CCL11: variants seen among roughly 807,000 people sequenced by gnomAD.
CCL11 encodes eotaxin.
CCL11 carries 7 observed loss-of-function variants against 7.3 expected under a neutral mutation model. The ratio of observed to expected loss-of-function variants is 0.96; its 90% CI spans 0.55 to 1.81. CCL11 has a LOEUF of 1.81. Ranked by LOEUF, CCL11 falls within the 40% of genes most tolerant of loss-of-function variation. CCL11 has a pLI of 0.00. For synonymous variants in CCL11, 66 were observed against 45.2 expected, an observed-to-expected ratio of 1.46 and a Z score of -1.84; for missense variants, 132 against 114.2, an observed-to-expected ratio of 1.16 and a Z score of -0.71.
chr17:34,287,044 T>C, intron 1 of CCL11, 52 bp from the exon 2 acceptor site: 1 of 1,203,994 alleles, frequency 8.3e-7, no homozygotes, highest in Non-Finnish European at 1.2e-6. Context: ...TGTCTATGTA[T>C]CATCATGTGG....
Position 34,288,044 on chromosome 17 carries a change from AT to A in CCL11, c.*356del, listed in dbSNP as rs1908701225. 1 of 154,650 alleles carries A rather than the reference AT, an allele frequency of 6.5e-6. No homozygotes were observed. Among genetic ancestry groups the A allele is most frequent in the African/African-American group, 2.4e-5 (1 of 41,542 alleles). The allele number at this position is 154,650 out of a possible 1,614,324, so 9.6% of individuals were successfully genotyped here. ...CAAAGATGATCAGTATGAAAATGTC[AT>A]TGTTCTTGTGAACCCAAAGTGTGAC... On this transcript the variant is annotated 3_prime_UTR_variant, in exon 3 of 3. Transcript: ENST00000305869.
rs1352933235 is a variant in CCL11 at position 34,287,168 on chromosome 17, G to GGA, written c.152_153dup (p.Ile52GlufsTer12). ...CCCCTTCAGCGACTAGAGAGCTACA[G>GGA]GAGAATCACCAGTGGCAAATGTCCC... is the stretch of plus-strand genomic sequence containing the variant. On this transcript the variant is annotated frameshift_variant, in exon 2 of 3. Coordinates refer to ENST00000305869, the MANE Select transcript of CCL11 (RefSeq NM_002986.3). LOFTEE classifies it low-confidence loss of function (END_TRUNC). 4 of 1,613,840 alleles carry GGA rather than the reference G, an allele frequency of 2.5e-6. No homozygotes were observed. In the South Asian group the frequency reaches 4.4e-5, roughly 18 times the overall value.
At position 34,288,307 on chromosome 17, in the gene CCL11, C is replaced by T. The variant is rs1408287128; in HGVS notation, c.*617C>T. 1 of 152,130 alleles carries T rather than the reference C, an allele frequency of 6.6e-6. No individual in the cohort carries two copies. The highest frequency in any genetic ancestry group is 6.6e-5 in the Admixed American group (1 of 15,256). The allele number at this position is 152,130 out of a possible 1,614,324, so 9.4% of individuals were successfully genotyped here. On this transcript the variant is annotated 3_prime_UTR_variant, in exon 3 of 3. Coordinates refer to ENST00000305869, the MANE Select transcript of CCL11 (RefSeq NM_002986.3). ...TGAAACTGACAAACCCATTCCAGCC[C>T]TCTATTCCCATTTTCAACAGTATTT...
chr17:34,288,178 G>C lies in CCL11; in HGVS notation c.*488G>C, dbSNP rs1032092706. ...GTGGGAAATCCACACTGAGCTGAGG[G>C]GGACAAAGATGGCTGTGGCCAAGAG... On this transcript the variant is annotated 3_prime_UTR_variant, in exon 3 of 3. Transcript: ENST00000305869. The C allele has an allele frequency of 6.6e-6, 1 of 152,480 alleles. No homozygotes were observed. Among genetic ancestry groups the C allele is most frequent in the Non-Finnish European group, 1.5e-5 (1 of 68,194 alleles). The allele number at this position is 152,480 out of a possible 1,614,324, so 9.4% of individuals were successfully genotyped here.
At chr17:34,286,060 T>C (rs965511318) in intron 1 of CCL11, among the ~76,000 whole-genome samples, 176 bp downstream of exon 1, 1 of 152,206 alleles carries the variant, frequency 6.6e-6, no homozygotes, top group Non-Finnish European at 1.5e-5. Context: ...GAGCCAGAAC[T>C]AGAAAGCTCC....
intron 1 of CCL11, among the ~76,000 whole-genome samples, chr17:34,286,115 A>G (rs1245495345): frequency 6.6e-6 from 1 of 152,150 alleles, no homozygotes; most frequent in Non-Finnish European, 1.5e-5. Context: ...GTGCATCCAT[A>G]CCCAGCTATC....
At chr17:34,287,277 T>A in intron 2 of CCL11, 70 bp downstream of exon 2, 5 of 1,107,950 alleles carry the variant, frequency 4.5e-6, no homozygotes, top group Non-Finnish European at 6.9e-6. Context: ...AAGAACTGTG[T>A]CACAGTTGCT....
Position 34,287,826 on chromosome 17 carries a change from T to TA in CCL11, c.*136_*137insA, listed in dbSNP as rs1567648659. 1.3e-3 allele frequency: 321 copies of TA among 245,874 alleles called. 1 individual carries two copies. The highest frequency in any genetic ancestry group is 6.0e-3 in the Middle Eastern group (6 of 1,008). 15.2% of individuals were successfully genotyped at this position (245,874 alleles called of 1,614,324 possible). ...TTATTATATATATATATTTTTTTTT[T>TA]TAAAAAAAAAACGTATTGCATTTAA... is the stretch of plus-strand genomic sequence containing the variant. On this transcript the variant is annotated 3_prime_UTR_variant, in exon 3 of 3. Coordinates refer to ENST00000305869, the MANE Select transcript of CCL11 (RefSeq NM_002986.3).
At chr17:34,287,303 T>C in intron 2 of CCL11, 96 bp downstream of exon 2, 1 of 872,158 alleles carries the variant, frequency 1.1e-6, no homozygotes, top group African/African-American at 1.7e-5. Flanking sequence ...TCATAGACTC[T>C]GATAGTTTGA....
intron 2 of CCL11, 79 bp from the exon 3 acceptor site, chr17:34,287,506 A>T: frequency 1.0e-6 from 1 of 998,798 alleles, no homozygotes; most frequent in Non-Finnish European, 1.6e-6. Flanking sequence ...CCAGGGGCAG[A>T]TGGTCCTTAA....
At position 34,287,781 on chromosome 17, in the gene CCL11, C is replaced by T. The variant is rs1354626792; in HGVS notation, c.*91C>T. On this transcript the variant is annotated 3_prime_UTR_variant, in exon 3 of 3. Coordinates refer to ENST00000305869, the MANE Select transcript of CCL11 (RefSeq NM_002986.3). ...ATGCATTCTGAGGTAACCTCATTAT[C>T]AGTCCAAAGGGCATGGGTTTTATTA... 1 of 743,060 alleles carries T rather than the reference C, an allele frequency of 1.3e-6. No individual in the cohort carries two copies. Among genetic ancestry groups the T allele is most frequent in the African/African-American group, 1.8e-5 (1 of 57,078 alleles). The allele number at this position is 743,060 out of a possible 1,614,324, so 46.0% of individuals were successfully genotyped here.
At chr17:34,286,234 A>G (rs1409127722) in intron 1 of CCL11, among the ~76,000 whole-genome samples, 3 of 152,188 alleles carry the variant, frequency 2.0e-5, no homozygotes, top group Admixed American at 6.5e-5. Flanking sequence ...CAGTATGTTA[A>G]TTCGACTCCA....
In CCL11 at chr17:34,287,661, G is replaced by A. The variant is rs756514440; in HGVS notation, c.265G>A (p.Asp89Asn). 1.9e-6 allele frequency: 3 copies of A among 1,613,426 alleles called. No homozygotes were observed. The highest frequency in any genetic ancestry group is 8.5e-7 in the Non-Finnish European group (1 of 1,179,626). Residue 89 changes from aspartate (D) to asparagine (N), a missense_variant, in exon 3 of 3, where the codon GAC becomes AAC. By Grantham distance (23) the Asp-to-Asn change is conservative (BLOSUM62 1). Coordinates refer to ENST00000305869, the MANE Select transcript of CCL11 (RefSeq NM_002986.3). ...KWVQDSMKYL[D>N]QKSPTPKP ...GGTGCAGGATTCCATGAAGTATCTG[G>A]ACCAAAAATCTCCAACTCCAAAGCC...
rs1383469078 is a variant in CCL11 at position 34,287,145 on chromosome 17, C to T, written c.126C>T (p.Pro42=). Residue 42 remains proline (P), a synonymous_variant, in exon 2 of 3, where the codon CCC becomes CCT. Transcript: ENST00000305869. ...TTAACCTGGCCAATAGGAAGATACCCCTTCAGCGACTAGAGAGCTACAGGA... is the reference window on the plus strand; with the variant it reads ...TTAACCTGGCCAATAGGAAGATACCTCTTCAGCGACTAGAGAGCTACAGGA... ...CCFNLANRKI[P]LQRLESYRRI... is the part of the protein sequence containing the mutation. 2 of 1,614,016 alleles carry T rather than the reference C, an allele frequency of 1.2e-6. No homozygotes were observed. The highest frequency in any genetic ancestry group is 1.7e-6 in the Non-Finnish European group (2 of 1,179,932).
In CCL11 at chr17:34,285,778, C is replaced by T. The variant is rs199636376; in HGVS notation, c.-31C>T. The T allele has an allele frequency of 1.9e-6, 3 of 1,581,072 alleles. No homozygotes were observed. The highest frequency in any genetic ancestry group is 1.4e-5 in the African/African-American group (1 of 73,852). ...GACCAACCCAGAAACCACCACCTCT[C>T]ACGCCAAAGCTCACACCTTCAGCCT... On this transcript the variant is annotated 5_prime_UTR_variant, in exon 1 of 3. Transcript: ENST00000305869.
At position 34,287,793 on chromosome 17, in the gene CCL11, C is replaced by T. The variant is rs1429817680; in HGVS notation, c.*103C>T. On this transcript the variant is annotated 3_prime_UTR_variant, in exon 3 of 3. Transcript: ENST00000305869. ...GTAACCTCATTATCAGTCCAAAGGGCATGGGTTTTATTATATATATATATT... is the reference window on the plus strand; with the variant it reads ...GTAACCTCATTATCAGTCCAAAGGGTATGGGTTTTATTATATATATATATT... The T allele has an allele frequency of 1.7e-6, 1 of 577,358 alleles. No homozygotes were observed. Among genetic ancestry groups the T allele is most frequent in the East Asian group, 3.0e-5 (1 of 33,176 alleles). The allele number at this position is 577,358 out of a possible 1,614,324, so 35.8% of individuals were successfully genotyped here.
At chr17:34,286,285 C>T (rs1908629781) in intron 1 of CCL11, among the ~76,000 whole-genome samples, 1 of 152,116 alleles carries the variant, frequency 6.6e-6, no homozygotes, top group African/African-American at 2.4e-5. Context: ...AGAACGAGGT[C>T]CCAGGGGGAT....
intron 2 of CCL11, 100 bp from the exon 3 acceptor site, chr17:34,287,485 C>A: frequency 1.2e-6 from 1 of 834,950 alleles, no homozygotes. Flanking sequence ...CTCTCCGTAG[C>A]AACCCTTTGT....
rs755021214 is a variant in CCL11 at position 34,287,672 on chromosome 17, T to C, written c.276T>C (p.Ser92=). The part of the protein sequence containing the change: ...QDSMKYLDQK[S]PTPKP ...CCATGAAGTATCTGGACCAAAAATC[T>C]CCAACTCCAAAGCCATAAATAATCA... The change falls in exon 3 of 3, where the codon TCT becomes TCC. Residue 92 remains serine, a synonymous_variant. Transcript: ENST00000305869. 4 of 1,612,536 alleles carry C rather than the reference T, an allele frequency of 2.5e-6. No individual in the cohort carries two copies. The highest frequency in any genetic ancestry group is 3.4e-6 in the Non-Finnish European group (4 of 1,178,758).
Sources: allele counts gnomAD v4.1 joint callset (sites outside exome capture counted in the v4.1 genomes callset), GRCh38; gene constraint gnomAD v4.1.1; transcripts MANE v1.5; gene names NCBI Gene and HGNC (gene_info 2026-07-23, HGNC 2026-07-21).